The following ZNF28 variants were observed in gnomAD, a reference collection of about 807,000 sequenced individuals.
ZNF28 encodes zinc finger protein KOX24.
ZNF28 carries 5 observed loss-of-function variants against 7.2 expected under a neutral mutation model. That is an observed-to-expected ratio of 0.70 (90% CI 0.36 to 1.46). ZNF28 has a LOEUF of 1.46. Ranked by LOEUF, ZNF28 falls within the 40% of genes most tolerant of loss-of-function variation. ZNF28 has a pLI of 0.03. For missense variants in ZNF28, 879 were observed against 866.6 expected, an observed-to-expected ratio of 1.01 and a Z score of -0.18; for synonymous variants, 288 against 292.4, an observed-to-expected ratio of 0.99 and a Z score of 0.15.
In ZNF28 at chr19:52,819,563, A is replaced by G. The variant is rs62120982; in HGVS notation, c.-73-1532T>C. Reference sequence around the variant, plus strand: ...TTGAGCTTTTCTGGTCTAGCCCCTCATCTCCAAGTTGCAGGGGAGGCTCAC... The same window carrying G: ...TTGAGCTTTTCTGGTCTAGCCCCTCGTCTCCAAGTTGCAGGGGAGGCTCAC... On this transcript the variant is annotated intron_variant, in intron 1 of 3. Transcript: ENST00000457749. 3.1e-3 allele frequency among the ~76,000 whole-genome samples: 211 copies of G among 68,474 alleles called. 10 individuals are homozygous for G. The highest frequency in any genetic ancestry group is 4.5e-3 in the African/African-American group (84 of 18,728). 44.9% of individuals were successfully genotyped at this position (68,474 alleles called of 152,430 possible).
intron 2 of ZNF28, chr19:52,810,563 C>T (rs1017679544): frequency 5.3e-5 from 85 of 1,593,228 alleles, no homozygotes; most frequent in Non-Finnish European, 6.4e-5. Flanking sequence ...CACAACAGAC[C>T]GGGGTCTTCC....
intron 3 of ZNF28, among the ~76,000 whole-genome samples, chr19:52,807,265 C>A (rs763393103): frequency 3.7e-4 from 57 of 152,112 alleles, no homozygotes; most frequent in Non-Finnish European, 7.8e-4. Context: ...GAGTCCCAGC[C>A]CTATGTTTCT....
At position 52,800,912 on chromosome 19, in the gene ZNF28, T is replaced by A; in HGVS notation, c.933A>T (p.Lys311Asn). 2.5e-6 allele frequency: 4 copies of A among 1,614,132 alleles called. No homozygotes were observed. The highest frequency in any genetic ancestry group is 1.3e-5 in the African/African-American group (1 of 75,056). ...CEECDKVFSR[K>N]SHLETHKIIY... ...TTATCTTATGTGTTTCAAGGTGTGATTTGCGACTGAAAACTTTGTCACATT... is the reference window on the plus strand; with the variant it reads ...TTATCTTATGTGTTTCAAGGTGTGAATTGCGACTGAAAACTTTGTCACATT... The change falls in exon 4 of 4, where the codon AAA (lysine) becomes AAT (asparagine). Residue 311 changes from lysine to asparagine, a missense_variant. Lys to Asn is a moderately conservative substitution (Grantham distance 94). Transcript: ENST00000457749.
At chr19:52,808,392 T>G (rs570598006) in intron 2 of ZNF28, among the ~76,000 whole-genome samples, 11 of 152,316 alleles carry the variant, frequency 7.2e-5, no homozygotes, top group African/African-American at 2.6e-4. Context: ...ATAAAAATGT[T>G]TGAAACTTTT....
rs111845502 is a variant in ZNF28 at position 52,807,419 on chromosome 19, G to A, written c.142+588C>T. On this transcript the variant is annotated intron_variant, in intron 3 of 3. Transcript: ENST00000457749. The stretch of plus-strand genomic sequence containing the variant: ...TCTTCCAAGAACTACAGAATCGAAA[G>A]CACAGGAGAAGCAAACAGGGAACTG... 6.5e-3 allele frequency among the ~76,000 whole-genome samples: 995 copies of A among 152,294 alleles called. 11 individuals carry two copies. Among genetic ancestry groups the A allele is most frequent in the African/African-American group, 0.022 (917 of 41,556 alleles).
Position 52,800,276 on chromosome 19 carries a change from G to A in ZNF28, c.1569C>T (p.Tyr523=). 6.2e-7 allele frequency: 1 copy of A among 1,613,476 alleles called. No individual in the cohort carries two copies. Among genetic ancestry groups the A allele is most frequent in the Admixed American group, 1.7e-5 (1 of 59,980 alleles). ...HQRVHTGEKP[Y]MCNECGKVFS... is the part of the protein sequence containing the mutation. The stretch of plus-strand genomic sequence containing the variant: ...AAACCTTGCCACATTCATTACACAT[G>A]TATGGTTTCTCTCCAGTATGAACTC... Residue 523 remains tyrosine (Y), a synonymous_variant, in exon 4 of 4, where the codon TAC becomes TAT. Coordinates refer to ENST00000457749, the MANE Select transcript of ZNF28 (RefSeq NM_006969.5).
intron 1 of ZNF28, among the ~76,000 whole-genome samples, chr19:52,820,541 TGGAC>T (rs1236814327): frequency 2.0e-5 from 3 of 152,122 alleles, no homozygotes; most frequent in African/African-American, 4.8e-5. Flanking sequence ...TATAACCCCC[TGGAC>T]CCAGTCTGGC....
At chr19:52,812,762 T>TTTA (rs1474315343) in intron 2 of ZNF28, among the ~76,000 whole-genome samples, 4 of 75,402 alleles carry the variant, frequency 5.3e-5, no homozygotes, top group Non-Finnish European at 8.5e-5. Context: ...GAATGATCAA[T>TTTA]AAAAAAAAAA....
rs150346798 is a variant in ZNF28 at position 52,799,515 on chromosome 19, C to T, written c.*173G>A. ...ATTAAAAACCTTGCCACATTCATTA[C>T]ACTTGTAAAGTTTCTCTCCAGTATG... On this transcript the variant is annotated 3_prime_UTR_variant, in exon 4 of 4. Transcript: ENST00000457749. The T allele has an allele frequency of 1.3e-4, 167 of 1,237,350 alleles. 1 individual carries two copies. In the East Asian group the frequency reaches 2.2e-3, roughly 16 times the overall value. 76.6% of individuals were successfully genotyped at this position (1,237,350 alleles called of 1,614,324 possible). A position where few individuals can be genotyped will look rare whatever the true frequency, so the allele number is the denominator to read the frequency against.
chr19:52,816,473 G>C (rs1249837681), intron 2 of ZNF28, among the ~76,000 whole-genome samples: 1 of 145,384 alleles, frequency 6.9e-6, no homozygotes, highest in Non-Finnish European at 1.5e-5. Flanking sequence ...GACCATCCTG[G>C]CTAACACGGT....
intron 1 of ZNF28, among the ~76,000 whole-genome samples, chr19:52,818,525 C>T (rs2063155280): frequency 6.7e-6 from 1 of 148,742 alleles, no homozygotes; most frequent in East Asian, 2.0e-4. Context: ...GCAGCCTGGC[C>T]AACATGGTGA....
chr19:52,800,583 G>A lies in ZNF28; in HGVS notation c.1262C>T (p.Ala421Val), dbSNP rs2062852805. The A allele has an allele frequency of 6.2e-7, 1 of 1,607,840 alleles. No individual in the cohort carries two copies. Among genetic ancestry groups the A allele is most frequent in the Non-Finnish European group, 8.5e-7 (1 of 1,178,272 alleles). The change falls in exon 4 of 4, where the codon GCA (alanine) becomes GTA (valine). Residue 421 changes from alanine to valine, a missense_variant. Coordinates refer to ENST00000457749, the MANE Select transcript of ZNF28 (RefSeq NM_006969.5). The stretch of plus-strand genomic sequence containing the variant: ...ATGTTTTGCCAGGTATGAATTATAT[G>A]CAAAAGCCTTGTCACAAACCTTACA... ...YKCKVCDKAF[A>V]YNSYLAKHSI...
intron 2 of ZNF28, among the ~76,000 whole-genome samples, chr19:52,813,504 A>C (rs1227286737): frequency 1.7e-5 from 2 of 120,586 alleles, no homozygotes; most frequent in African/African-American, 3.9e-5. Context: ...TTTTTTTTTT[A>C]CCCAGGGCTC....
intron 2 of ZNF28, chr19:52,809,822 A>AGGCAGCGGT (rs202197218): frequency 5.7e-6 from 3 of 527,246 alleles, no homozygotes; most frequent in Non-Finnish European, 6.7e-6. Context: ...TGAGCGGCGA[A>AGGCAGCGGT]GGCGGCGGCG....
At chr19:52,810,635 G>C (rs2063008500) in intron 2 of ZNF28, 1 of 1,356,178 alleles carries the variant, frequency 7.4e-7, no homozygotes, top group East Asian at 2.3e-5. Context: ...TTCTACAGTG[G>C]TTTTAACAGC....
Position 52,800,790 on chromosome 19 carries a change from T to C in ZNF28, c.1055A>G (p.Glu352Gly), listed in dbSNP as rs1258240770. The change falls in exon 4 of 4, where the codon GAG (glutamate) becomes GGG (glycine). Residue 352 changes from glutamate (E) to glycine (G), a missense_variant. Physicochemically the swap from Glu to Gly is moderately conservative, Grantham distance 98. Around this residue, in one of 2 missense-constraint regions of ZNF28, gnomAD observed 864 missense variants for 830.2 expected, o/e 1.04. Transcript: ENST00000457749. ...LAKHTIIHTG[E>G]KPYKCNECGK... ...ACATTCATTACACTTGTAAGGTTTCTCTCCAGTGTGAATTATAGTATGTTT... is the reference window on the plus strand; with the variant it reads ...ACATTCATTACACTTGTAAGGTTTCCCTCCAGTGTGAATTATAGTATGTTT... 2.5e-6 allele frequency: 4 copies of C among 1,614,148 alleles called. No homozygotes were observed. The highest frequency in any genetic ancestry group is 2.2e-5 in the South Asian group (2 of 91,082).
intron 2 of ZNF28, chr19:52,814,544 A>C (rs2087070466): frequency 1.4e-5 from 2 of 146,242 alleles, no homozygotes; most frequent in Non-Finnish European, 1.5e-5. Context: ...CAGTGATCCG[A>C]CATCACACCA....
chr19:52,808,170 T>A (rs771046113), intron 2 of ZNF28, 37 bp from the exon 3 acceptor site: 1 of 1,610,456 alleles, frequency 6.2e-7, no homozygotes, highest in Non-Finnish European at 8.5e-7. Context: ...ATGGTTATGG[T>A]GGAGTTCTTA....
At position 52,799,201 on chromosome 19, in the gene ZNF28, T is replaced by C; in HGVS notation, c.*487A>G. ...TTACACTTGTAGGGTTTCTCTCCAATACGAATTGCCTTTTGAATTACAAGG... is the reference window on the plus strand; with the variant it reads ...TTACACTTGTAGGGTTTCTCTCCAACACGAATTGCCTTTTGAATTACAAGG... On this transcript the variant is annotated 3_prime_UTR_variant, in exon 4 of 4. Transcript: ENST00000457749. The C allele has an allele frequency of 2.6e-6, 1 of 387,726 alleles. No individual in the cohort carries two copies. The highest frequency in any genetic ancestry group is 2.5e-5 in the South Asian group (1 of 39,574). 24.0% of individuals were successfully genotyped at this position (387,726 alleles called of 1,614,324 possible).
Sources: gnomAD v4.1 joint callset for allele counts (sites outside exome capture counted in the v4.1 genomes callset) on GRCh38, gnomAD v4.1.1 for gene constraint, gnomAD v4.1.1 regional missense constraint, MANE v1.5 for transcripts, NCBI Gene and HGNC (gene_info 2026-07-23, HGNC 2026-07-21) for gene names.